The following ATXN2 variants were observed in gnomAD, a reference collection of about 807,000 sequenced individuals.
The protein encoded by ATXN2 is ataxin 2, also known as ataxin-2.
ATXN2 carries 37 observed loss-of-function variants against 138.6 expected under a neutral mutation model. The observed-to-expected ratio is 0.27, with a 90% CI of 0.21 to 0.35. ATXN2 has a LOEUF of 0.35. ATXN2 is among the 10% of genes least tolerant of loss of function. The pLI is 1.00. For synonymous variants in ATXN2, 549 were observed against 543.7 expected (o/e 1.01, Z -0.13); for missense variants, 1,216 against 1,480.3 (o/e 0.82, Z 2.93).
intron 18 of ATXN2, among the ~76,000 whole-genome samples, chr12:111,483,458 T>C (rs1423668997): frequency 7.4e-6 from 1 of 135,344 alleles, no homozygotes; most frequent in East Asian, 2.0e-4. Context: ...AACTCTTTTT[T>C]TTTTTTTTTT....
At chr12:111,558,985 GTGA>G (rs1453375790) in intron 1 of ATXN2, among the ~76,000 whole-genome samples, 2 of 147,180 alleles carry the variant, frequency 1.4e-5, no homozygotes, top group African/African-American at 2.5e-5. Flanking sequence ...TGCTTCTGAT[GTGA>G]TACAATAGGA....
intron 5 of ATXN2, among the ~76,000 whole-genome samples, chr12:111,531,593 C>T (rs1423712979): frequency 6.6e-6 from 1 of 152,066 alleles, no homozygotes; most frequent in Non-Finnish European, 1.5e-5. Context: ...TATACTACTA[C>T]ACCATGTATT....
intron 3 of ATXN2, 94 bp downstream of exon 3, chr12:111,554,064 G>C (rs969216373): frequency 7.1e-6 from 6 of 840,692 alleles, no homozygotes; most frequent in Non-Finnish European, 1.1e-5. Context: ...TCTAAGCAAT[G>C]TTACTTTGAC....
chr12:111,513,198 G>C, intron 11 of ATXN2, 159 bp downstream of exon 11: 1 of 759,656 alleles, frequency 1.3e-6, no homozygotes, highest in East Asian at 3.1e-5. Flanking sequence ...ATAAGTGGTA[G>C]AGCCCAGAAT....
At chr12:111,492,454 C>T (rs1878098193) in intron 14 of ATXN2, among the ~76,000 whole-genome samples, 1 of 152,114 alleles carries the variant, frequency 6.6e-6, no homozygotes, top group African/African-American at 2.4e-5. Flanking sequence ...GAGGCCAAGG[C>T]GGACAGATCA....
At chr12:111,532,718 A>G (rs1880903978) in intron 5 of ATXN2, among the ~76,000 whole-genome samples, 1 of 152,156 alleles carries the variant, frequency 6.6e-6, no homozygotes. Context: ...AAATTCTTTG[A>G]GAATCCACAG....
intron 10 of ATXN2, among the ~76,000 whole-genome samples, chr12:111,514,363 C>T (rs630512): frequency 0.38 from 57,095 of 152,020 alleles, 14,884 homozygotes; most frequent in East Asian, 0.89. Flanking sequence ...ACCAATCTAT[C>T]AGGTAAAAGA....
At chr12:111,461,895 C>T (rs893863828) in intron 21 of ATXN2, among the ~76,000 whole-genome samples, 4 of 150,348 alleles carry the variant, frequency 2.7e-5, no homozygotes, top group African/African-American at 7.4e-5. Flanking sequence ...GCACTCCAGC[C>T]TGGACGACAG....
At chr12:111,563,625 G>A (rs1592905148) in intron 1 of ATXN2, among the ~76,000 whole-genome samples, 1 of 152,032 alleles carries the variant, frequency 6.6e-6, no homozygotes, top group Non-Finnish European at 1.5e-5. Context: ...GGTGAATATG[G>A]TAAAATGTTA....
At position 111,453,695 on chromosome 12, in the gene ATXN2, A is replaced by G; in HGVS notation, c.3421T>C (p.Tyr1141His). Residue 1141 changes from tyrosine to histidine, a missense_variant, in exon 24 of 25, where the codon TAT becomes CAT. This residue lies in a region of ATXN2 where 490 missense variants were observed against 653.5 expected (regional missense o/e 0.75). Transcript: ENST00000673436. The surrounding 1 kb of genome is among the most constrained non-coding windows in gnomAD (Gnocchi z 5.4). ...GCCTCACCTGAAGGGTGCGTCATAT[A>G]GGGGAAATGCGCTGTTGTCGAGACT... Reference protein sequence around the residue: ...IPVSTTAHFPYMTHPSVQAHH... With the variant: ...IPVSTTAHFPHMTHPSVQAHH... 1 of 1,610,140 alleles carries G rather than the reference A, an allele frequency of 6.2e-7. No homozygotes were observed. Among genetic ancestry groups the G allele is most frequent in the Non-Finnish European group, 8.5e-7 (1 of 1,177,946 alleles).
rs1874792285 is a variant in ATXN2, at chr12:111,453,097, AC to A, written c.3440-258del. On this transcript the variant is annotated intron_variant, in intron 24 of 24. Transcript: ENST00000673436. This position sits in a 1 kb window ranked among gnomAD's most constrained non-coding sequence, Gnocchi z 5.4. ...TCATGGGGTAGAAAAAAAGGCCTTA[AC>A]AAACCCCCTCCCCAAATATTAGCCA... is the stretch of plus-strand genomic sequence containing the variant. 2 of 1,273,852 alleles carry A rather than the reference AC, an allele frequency of 1.6e-6. No homozygotes were observed. The highest frequency in any genetic ancestry group is 3.1e-5 in the African/African-American group (2 of 65,558). 78.9% of individuals were successfully genotyped at this position (1,273,852 alleles called of 1,614,324 possible).
chr12:111,516,137 A>C lies in ATXN2; in HGVS notation c.1375+17T>G. 3 of 1,586,062 alleles carry C rather than the reference A, an allele frequency of 1.9e-6. No individual in the cohort carries two copies. Among genetic ancestry groups the C allele is most frequent in the Non-Finnish European group, 2.6e-6 (3 of 1,167,622 alleles). On this transcript the variant is annotated intron_variant, in intron 10 of 24. Transcript: ENST00000673436. This position sits in a 1 kb window ranked among gnomAD's most constrained non-coding sequence, Gnocchi z 5.0. ...AACAAAGACAAACAAAAACATGAACAAATTGTGGTATTGTACCTTCTGAAG... is the reference window on the plus strand; with the variant it reads ...AACAAAGACAAACAAAAACATGAACCAATTGTGGTATTGTACCTTCTGAAG...
chr12:111,481,952 G>C (rs936112145), intron 18 of ATXN2, among the ~76,000 whole-genome samples: 4 of 151,844 alleles, frequency 2.6e-5, no homozygotes, highest in Non-Finnish European at 5.9e-5. Flanking sequence ...ATGAGCCACT[G>C]CTCCCAGCCT....
At chr12:111,566,475 T>G (rs1053086654) in intron 1 of ATXN2, among the ~76,000 whole-genome samples, 3 of 151,514 alleles carry the variant, frequency 2.0e-5, no homozygotes, top group Admixed American at 1.3e-4. Context: ...ATACATTCTG[T>G]AAGGCTACTA....
At position 111,599,307 on chromosome 12, in the gene ATXN2, G is replaced by T; in HGVS notation, c.-273C>A. On this transcript the variant is annotated 5_prime_UTR_variant, in exon 1 of 25. Transcript: ENST00000673436. ...CCAAAACAGTCTGAGGCGGAGGGAG[G>T]CGAGCTCTGCCGGGAGGGAGGGGGG... is the stretch of plus-strand genomic sequence containing the variant. The T allele has an allele frequency of 9.0e-7, 1 of 1,114,228 alleles. No homozygotes were observed. Among genetic ancestry groups the T allele is most frequent in the Non-Finnish European group, 1.1e-6 (1 of 916,348 alleles). 69.0% of individuals were successfully genotyped at this position (1,114,228 alleles called of 1,614,324 possible).
intron 8 of ATXN2, among the ~76,000 whole-genome samples, chr12:111,519,481 ACCT>A (rs1303486374): frequency 6.6e-6 from 1 of 152,084 alleles, no homozygotes; most frequent in Admixed American, 6.5e-5. Flanking sequence ...ACAAAATGTC[ACCT>A]CCTCAATGAG....
chr12:111,562,486 T>C (rs1882749960), intron 1 of ATXN2, among the ~76,000 whole-genome samples: 2 of 151,870 alleles, frequency 1.3e-5, no homozygotes, highest in South Asian at 4.2e-4. Flanking sequence ...TCTGGGAGGC[T>C]GAGGTGGGTG....
At chr12:111,485,413 T>C (rs1283434393) in intron 17 of ATXN2, 82 bp from the exon 18 acceptor site, 15 of 1,322,818 alleles carry the variant, frequency 1.1e-5, no homozygotes, top group Non-Finnish European at 1.4e-5. Context: ...TTTATATTGC[T>C]AGAGAGCTAG....
intron 1 of ATXN2, among the ~76,000 whole-genome samples, chr12:111,579,938 G>T (rs1386794021): frequency 6.6e-6 from 1 of 151,994 alleles, no homozygotes; most frequent in East Asian, 1.9e-4. Context: ...GACCTCAGGT[G>T]ATCCACCCAC....
Sources: allele counts gnomAD v4.1 joint callset (sites outside exome capture counted in the v4.1 genomes callset), GRCh38; gene constraint gnomAD v4.1.1; regional missense constraint gnomAD v4.1.1; non-coding constraint Gnocchi (gnomAD v3.1); transcripts MANE v1.5; gene names NCBI Gene and HGNC (gene_info 2026-07-23, HGNC 2026-07-21).